DPP6: variants seen among roughly 807,000 people sequenced by gnomAD.
DPP6 encodes dipeptidyl peptidase like 6, also known as A-type potassium channel modulatory protein DPP6.
DPP6 carries 69 observed loss-of-function variants against 122.6 expected under a neutral mutation model. The ratio of observed to expected loss-of-function variants is 0.56; its 90% CI spans 0.46 to 0.69. DPP6 has a LOEUF of 0.69. Ranked by LOEUF, DPP6 falls within the 30% of genes least tolerant of loss-of-function variation. DPP6 has a pLI of 0.00. For missense variants in DPP6, 928 were observed against 1,116.9 expected (o/e 0.83, Z 2.41); for synonymous variants, 418 against 433.1 (o/e 0.97, Z 0.43).
intron 8 of DPP6, among the ~76,000 whole-genome samples, chr7:154,730,458 G>A (rs1842282986): frequency 1.3e-5 from 2 of 152,168 alleles, no homozygotes; most frequent in Admixed American, 1.3e-4. Context: ...TGGAATACGT[G>A]CAGCACATGA....
chr7:154,597,660 A>G (rs1357760603), intron 5 of DPP6, among the ~76,000 whole-genome samples: 1 of 152,080 alleles, frequency 6.6e-6, no homozygotes, highest in East Asian at 1.9e-4. Context: ...TGTCGTAACA[A>G]AGTGCTACAG....
At chr7:154,188,599 T>C (rs1197669967) in intron 1 of DPP6, among the ~76,000 whole-genome samples, 2 of 152,162 alleles carry the variant, frequency 1.3e-5, no homozygotes, top group African/African-American at 4.8e-5. Flanking sequence ...CCTAACCCTG[T>C]CATTTGCCCA....
At chr7:154,713,386 G>T (rs931231671) in intron 7 of DPP6, among the ~76,000 whole-genome samples, 7 of 152,228 alleles carry the variant, frequency 4.6e-5, no homozygotes, top group African/African-American at 1.7e-4. Context: ...CTGTGTGGGG[G>T]CTCTGACCCC....
intron 7 of DPP6, among the ~76,000 whole-genome samples, chr7:154,707,195 TTGATGACACTTATTATGCTAATAATA>T (rs1234033517): frequency 6.6e-6 from 1 of 152,202 alleles, no homozygotes; most frequent in East Asian, 1.9e-4. Flanking sequence ...ATTGGATAGG[TTGATGACACTTATTATGCTAATAATA>T]TGTTACCTTT....
chr7:154,356,163 T>C (rs1476698303), intron 1 of DPP6, among the ~76,000 whole-genome samples: 1 of 152,254 alleles, frequency 6.6e-6, no homozygotes, highest in Non-Finnish European at 1.5e-5. Context: ...GTTCATTTTC[T>C]GTGTGTTTAT....
At chr7:153,842,554 A>G in the DPP6 span, among the ~76,000 whole-genome samples, 2 of 152,078 alleles carry the variant, frequency 1.3e-5, no homozygotes, top group Non-Finnish European at 2.9e-5. Flanking sequence ...GTAAAATTAT[A>G]TAAATGTTTA....
the DPP6 span, among the ~76,000 whole-genome samples, chr7:153,864,673 AC>A: frequency 9.9e-4 from 1 of 1,014 alleles, no homozygotes; most frequent in Non-Finnish European, 1.4e-3. Context: ...TAATAATAAT[AC>A]ACACACACAC....
At chr7:153,937,931 A>G (rs1023161105) in intron 1 of DPP6, among the ~76,000 whole-genome samples, 1 of 152,174 alleles carries the variant, frequency 6.6e-6, no homozygotes, top group Non-Finnish European at 1.5e-5. Context: ...CACATGCCAG[A>G]TCCCATTCAA....
chr7:154,699,693 T>A (rs1289852344), intron 7 of DPP6, among the ~76,000 whole-genome samples: 1 of 152,158 alleles, frequency 6.6e-6, no homozygotes, highest in East Asian at 1.9e-4. Flanking sequence ...TTCTAACGAA[T>A]CCCCAGGTGC....
At chr7:154,691,573 T>A (rs2131218520) in intron 7 of DPP6, among the ~76,000 whole-genome samples, 1 of 152,290 alleles carries the variant, frequency 6.6e-6, no homozygotes, top group East Asian at 1.9e-4. Context: ...ATCTCAGCAC[T>A]TTTTGGGAAG....
At chr7:154,196,996 T>C (rs1798903160) in intron 1 of DPP6, among the ~76,000 whole-genome samples, 1 of 152,098 alleles carries the variant, frequency 6.6e-6, no homozygotes, top group African/African-American at 2.4e-5. Flanking sequence ...TCTCCAAGTT[T>C]CTATGTTTTG....
chr7:154,850,308 T>G (rs907065829), intron 16 of DPP6, among the ~76,000 whole-genome samples: 1 of 152,218 alleles, frequency 6.6e-6, no homozygotes, highest in Admixed American at 6.5e-5. Flanking sequence ...CAATTAGTGA[T>G]CCTTTTAATG....
chr7:154,044,610 A>C lies in DPP6; in HGVS notation c.51+156876A>C, dbSNP rs559119934. On this transcript the variant is annotated intron_variant, in intron 1 of 25. Transcript: ENST00000404039. ...AAGCTACCGATCTACCTAAAGTAGCATCAACTCGTTTTTTAAATTTGTAGA... is the reference window on the plus strand; with the variant it reads ...AAGCTACCGATCTACCTAAAGTAGCCTCAACTCGTTTTTTAAATTTGTAGA... 1.1e-4 allele frequency among the ~76,000 whole-genome samples: 17 copies of C among 152,342 alleles called. No individual in the cohort carries two copies. The South Asian group carries it at 2.9e-3, about 26-fold the overall frequency.
At chr7:154,223,715 G>T (rs1401225756) in intron 1 of DPP6, among the ~76,000 whole-genome samples, 1 of 149,450 alleles carries the variant, frequency 6.7e-6, no homozygotes, top group African/African-American at 2.5e-5. Flanking sequence ...GTCCTGCAGG[G>T]CGTGGTGTGC....
chr7:154,392,143 C>T (rs1214338343), intron 1 of DPP6, among the ~76,000 whole-genome samples: 1 of 152,064 alleles, frequency 6.6e-6, no homozygotes, highest in African/African-American at 2.4e-5. Context: ...GTGTGTGGCA[C>T]ACACCTGTAA....
intron 1 of DPP6, among the ~76,000 whole-genome samples, chr7:154,363,109 A>AGT (rs1811872366): frequency 6.6e-6 from 1 of 152,134 alleles, no homozygotes; most frequent in Non-Finnish European, 1.5e-5. Context: ...AGGGTTTCCA[A>AGT]AGCTCTCCCA....
intron 16 of DPP6, among the ~76,000 whole-genome samples, chr7:154,852,862 G>A (rs1425939120): frequency 6.8e-6 from 1 of 147,560 alleles, no homozygotes; most frequent in Non-Finnish European, 1.5e-5. Context: ...TGGGATAGTT[G>A]GAGATGGCAT....
At chr7:154,300,325 T>G (rs1463402310) in intron 1 of DPP6, among the ~76,000 whole-genome samples, 7 of 152,184 alleles carry the variant, frequency 4.6e-5, no homozygotes, top group Non-Finnish European at 7.3e-5. Context: ...AGTACTTAGC[T>G]GCAAAATGGA....
At chr7:154,645,202 A>T (rs890270027) in intron 6 of DPP6, among the ~76,000 whole-genome samples, 4 of 151,234 alleles carry the variant, frequency 2.6e-5, no homozygotes, top group Non-Finnish European at 4.4e-5. Flanking sequence ...AGTAGCTGGG[A>T]CTACAGGCGC....
Sources: gnomAD v4.1 joint callset for allele counts (sites outside exome capture counted in the v4.1 genomes callset) on GRCh38, gnomAD v4.1.1 for gene constraint, MANE v1.5 for transcripts, NCBI Gene and HGNC (gene_info 2026-07-23, HGNC 2026-07-21) for gene names.